Variants in CHD9 observed in about 807,000 individuals in gnomAD.
CHD9 encodes chromodomain helicase DNA binding protein 9, also known as ATP-dependent chromatin remodeler CHD9.
CHD9 carries 77 observed loss-of-function variants against 316.1 expected under a neutral mutation model. The ratio of observed to expected loss-of-function variants is 0.24; its 90% CI spans 0.20 to 0.29. The LOEUF (loss-of-function observed/expected upper bound fraction) is 0.29, where lower values mean the gene tolerates loss of function less well. Ranked by LOEUF, CHD9 falls within the 10% of genes least tolerant of loss-of-function variation. The probability of loss-of-function intolerance (pLI) is 1.00; values close to 1 mark genes in which losing one functional copy is unlikely to be tolerated. For synonymous variants in CHD9, 1,129 were observed against 1,158.3 expected (o/e 0.97, Z 0.51); for missense variants, 2,763 against 3,438.1 (o/e 0.80, Z 4.91).
chr16:53,231,476 T>A lies in CHD9; in HGVS notation c.2344T>A (p.Ser782Thr). 1 of 1,599,988 alleles carries A rather than the reference T, an allele frequency of 6.3e-7. No homozygotes were observed. The highest frequency in any genetic ancestry group is 8.6e-7 in the Non-Finnish European group (1 of 1,169,396). ...YVEVDRVLEV[S>T]FCEDKDTGEP... ...TGAAGTAGACAGAGTATTAGAAGTC[T>A]CTTTTTGTGAAGATAAGGATACTGG... Residue 782 changes from serine (S) to threonine (T), a missense_variant, in exon 9 of 39, where the codon TCT (serine) becomes ACT (threonine). Coordinates refer to ENST00000447540, the MANE Select transcript of CHD9 (RefSeq NM_001308319.2).
chr16:53,291,574 A>G, intron 27 of CHD9, 151 bp from the exon 28 acceptor site: 1 of 534,172 alleles, frequency 1.9e-6, no homozygotes, highest in Non-Finnish European at 3.2e-6. Context: ...GAGAATAAGC[A>G]GTTGAAAGTT....
At chr16:53,082,200 TTTTATTTATTTA>T (rs142613847) in intron 1 of CHD9, among the ~76,000 whole-genome samples, 2,152 of 140,968 alleles carry the variant, frequency 0.015, 23 homozygotes, top group African/African-American at 0.029. Context: ...CAGGAGAACA[TTTTATTTATTTA>T]TTTATTTATT....
At chr16:53,064,383 C>CT (rs1480018412) in intron 1 of CHD9, among the ~76,000 whole-genome samples, 3 of 151,956 alleles carry the variant, frequency 2.0e-5, no homozygotes, top group Non-Finnish European at 2.9e-5. Context: ...TGTCGTAGCA[C>CT]TTTTTTTTGC....
At chr16:53,199,264 T>C (rs181369193) in intron 2 of CHD9, among the ~76,000 whole-genome samples, 21 of 152,272 alleles carry the variant, frequency 1.4e-4, no homozygotes, top group African/African-American at 5.1e-4. Flanking sequence ...CCTAGCCCCA[T>C]AGATGGATTT....
At chr16:53,227,930 A>C (rs1261643680) in intron 7 of CHD9, among the ~76,000 whole-genome samples, 2 of 151,748 alleles carry the variant, frequency 1.3e-5, no homozygotes, top group African/African-American at 4.8e-5. Context: ...CTAAAAATAC[A>C]AAAAAATTAG....
Position 53,326,376 on chromosome 16 carries a change from C to T in CHD9, c.*1481C>T, listed in dbSNP as rs1598042657. The T allele has an allele frequency of 6.6e-6, 1 of 152,438 alleles. No homozygotes were observed. Among genetic ancestry groups the T allele is most frequent in the East Asian group, 1.9e-4 (1 of 5,192 alleles). 9.4% of individuals were successfully genotyped at this position (152,438 alleles called of 1,614,324 possible). A position where few individuals can be genotyped will look rare whatever the true frequency, so the allele number is the denominator to read the frequency against. ...GGGGGAAAAAGTGTCCCAGTTCTCTCCTACAGAAAAAATACTTTCAGTATG... is the reference window on the plus strand; with the variant it reads ...GGGGGAAAAAGTGTCCCAGTTCTCTTCTACAGAAAAAATACTTTCAGTATG... On this transcript the variant is annotated 3_prime_UTR_variant, in exon 39 of 39. Transcript: ENST00000447540.
At chr16:53,130,840 C>T (rs1158438652) in intron 1 of CHD9, 2 of 151,974 alleles carry the variant, frequency 1.3e-5, no homozygotes, top group Admixed American at 1.3e-4. Flanking sequence ...CACGACCGCC[C>T]CTCCGCGCCC....
chr16:53,178,108 C>T (rs1328548517), intron 2 of CHD9, among the ~76,000 whole-genome samples: 1 of 152,140 alleles, frequency 6.6e-6, no homozygotes, highest in African/African-American at 2.4e-5. Flanking sequence ...TTCAGAGTGT[C>T]AGGGACCTGG....
At chr16:53,219,682 A>G (rs1055373425) in intron 3 of CHD9, among the ~76,000 whole-genome samples, 1 of 152,200 alleles carries the variant, frequency 6.6e-6, no homozygotes, top group Non-Finnish European at 1.5e-5. Flanking sequence ...AAGTCTTTTG[A>G]GTCCTTAAGC....
intron 1 of CHD9, among the ~76,000 whole-genome samples, chr16:53,117,117 T>G (rs138988631): frequency 1.2e-4 from 19 of 152,188 alleles, no homozygotes; most frequent in Non-Finnish European, 2.8e-4. Context: ...AAATAGCTAA[T>G]GCATGCTGGG....
intron 1 of CHD9, among the ~76,000 whole-genome samples, chr16:53,086,358 A>C (rs1309333767): frequency 6.6e-6 from 1 of 152,182 alleles, no homozygotes; most frequent in Non-Finnish European, 1.5e-5. Context: ...TCTGTGCCGC[A>C]CCAATTATAC....
intron 2 of CHD9, among the ~76,000 whole-genome samples, chr16:53,170,760 G>T (rs1438096554): frequency 3.3e-5 from 5 of 151,960 alleles, no homozygotes; most frequent in Non-Finnish European, 7.4e-5. Flanking sequence ...AGGGATTTGT[G>T]TTTTTTTAGG....
chr16:53,202,437 G>T, intron 2 of CHD9, among the ~76,000 whole-genome samples: 1 of 145,792 alleles, frequency 6.9e-6, no homozygotes, highest in Admixed American at 6.9e-5. Flanking sequence ...TTAGTCTTAA[G>T]TCTCATCTAC....
intron 1 of CHD9, among the ~76,000 whole-genome samples, chr16:53,073,462 T>C (rs564024356): frequency 2.6e-5 from 4 of 152,354 alleles, no homozygotes; most frequent in South Asian, 4.1e-4. Context: ...AAATATCTCT[T>C]TGAGACTCTG....
chr16:53,141,634 G>T (rs1450900192), intron 1 of CHD9, among the ~76,000 whole-genome samples: 1 of 152,114 alleles, frequency 6.6e-6, no homozygotes, highest in African/African-American at 2.4e-5. Context: ...TCCTGAAAGC[G>T]TATGAGTATT....
Position 53,235,470 on chromosome 16 carries a change from A to G in CHD9, c.2633+164A>G, listed in dbSNP as rs1324394805. 2.0e-5 allele frequency among the ~76,000 whole-genome samples: 3 copies of G among 152,214 alleles called. No homozygotes were observed. In the East Asian group the frequency reaches 5.8e-4, roughly 29 times the overall value. Reference sequence around the variant, plus strand: ...TATGTAAATTGCAACTTAGGTTTCAACTACAATTGTTTTCTTTAAATGTAT... The same window carrying G: ...TATGTAAATTGCAACTTAGGTTTCAGCTACAATTGTTTTCTTTAAATGTAT... On this transcript the variant is annotated intron_variant, in intron 11 of 38. Coordinates refer to ENST00000447540, the MANE Select transcript of CHD9 (RefSeq NM_001308319.2).
intron 1 of CHD9, among the ~76,000 whole-genome samples, chr16:53,094,918 C>T (rs766474914): frequency 2.0e-5 from 3 of 152,182 alleles, no homozygotes; most frequent in East Asian, 1.9e-4. Flanking sequence ...GGATTACAGG[C>T]GTGAGCCACC....
intron 32 of CHD9, among the ~76,000 whole-genome samples, chr16:53,306,840 C>T (rs532621616): frequency 2.0e-5 from 3 of 152,060 alleles, no homozygotes; most frequent in Admixed American, 6.6e-5. Context: ...CTTACAGTGG[C>T]ACAATCTCAG....
At chr16:53,170,739 A>G (rs1457918734) in intron 2 of CHD9, among the ~76,000 whole-genome samples, 2 of 152,074 alleles carry the variant, frequency 1.3e-5, no homozygotes, top group Non-Finnish European at 2.9e-5. Flanking sequence ...AGTTAAACTG[A>G]TATTGAGCGA....
Sources: gnomAD v4.1 joint callset for allele counts (sites outside exome capture counted in the v4.1 genomes callset) on GRCh38, gnomAD v4.1.1 for gene constraint, MANE v1.5 for transcripts, NCBI Gene and HGNC (gene_info 2026-07-23, HGNC 2026-07-21) for gene names.